SMPD2: variants seen among roughly 807,000 people sequenced by gnomAD.
SMPD2 encodes sphingomyelin phosphodiesterase 2, also known as N-SMase.
SMPD2 carries 35 observed loss-of-function variants against 41.7 expected under a neutral mutation model. The ratio of observed to expected loss-of-function variants is 0.84; its 90% CI spans 0.64 to 1.11. The LOEUF (loss-of-function observed/expected upper bound fraction) is 1.11, where lower values mean the gene tolerates loss of function less well. Ranked by LOEUF, SMPD2 falls within the 50% of genes most tolerant of loss-of-function variation. SMPD2 has a pLI of 0.00. For missense variants in SMPD2, 520 were observed against 524.8 expected, an observed-to-expected ratio of 0.99 and a Z score of 0.09; for synonymous variants, 201 against 208.2, an observed-to-expected ratio of 0.97 and a Z score of 0.30.
At chr6:109,443,171 G>T in intron 8 of SMPD2, 90 bp downstream of exon 8, 1 of 1,414,756 alleles carries the variant, frequency 7.1e-7, no homozygotes, top group Non-Finnish European at 9.5e-7. Flanking sequence ...GTCTAGTCTT[G>T]GACCACTGAT....
intron 3 of SMPD2, 52 bp downstream of exon 3, chr6:109,441,680 C>T: frequency 1.3e-6 from 2 of 1,528,026 alleles, no homozygotes; most frequent in Non-Finnish European, 1.8e-6. Flanking sequence ...GGCTCTTGGC[C>T]CTGCCAGCCC....
chr6:109,443,488 T>C, intron 9 of SMPD2, 29 bp from the exon 10 acceptor site: 2 of 1,608,564 alleles, frequency 1.2e-6, no homozygotes, highest in Non-Finnish European at 1.7e-6. Flanking sequence ...CTTGACTCTC[T>C]CCTGCCCCAC....
At position 109,440,841 on chromosome 6, in the gene SMPD2, A is replaced by C; in HGVS notation, c.-281A>C. The C allele has an allele frequency of 2.3e-6, 1 of 437,402 alleles. No individual in the cohort carries two copies. The highest frequency in any genetic ancestry group is 4.0e-6 in the Non-Finnish European group (1 of 251,550). 27.1% of individuals were successfully genotyped at this position (437,402 alleles called of 1,614,324 possible). ...ACCCGGGGGCGCTCTCCGGACCCCC[A>C]GGGTCCTAGCGCGCGGCCCTTACCG... is the stretch of plus-strand genomic sequence containing the variant. On this transcript the variant is annotated 5_prime_UTR_variant, in exon 1 of 10. Transcript: ENST00000258052.
At chr6:109,441,919 A>G (rs929461992) in intron 3 of SMPD2, 55 bp from the exon 4 acceptor site, 6 of 1,481,536 alleles carry the variant, frequency 4.0e-6, no homozygotes, top group Non-Finnish European at 5.7e-6. Flanking sequence ...GGAGGGGAAG[A>G]AGGCTGGGTG....
In SMPD2 at chr6:109,442,074, C is replaced by T; in HGVS notation, c.318+7C>T. 6.2e-7 allele frequency: 1 copy of T among 1,605,920 alleles called. No individual in the cohort carries two copies. The highest frequency in any genetic ancestry group is 8.5e-7 in the Non-Finnish European group (1 of 1,172,514). ...CAATGGCTACCCCTACATGGTAAGG[C>T]AGACCTTTGACCTCTTCCACCTCCC... is the stretch of plus-strand genomic sequence containing the variant. On this transcript the variant is annotated splice_region_variant and intron_variant, in intron 4 of 9. Transcript: ENST00000258052.
chr6:109,441,851 A>C, intron 3 of SMPD2, 123 bp from the exon 4 acceptor site: 2 of 998,186 alleles, frequency 2.0e-6, no homozygotes, highest in Non-Finnish European at 3.2e-6. Flanking sequence ...CCTTGGTTCT[A>C]GGGCTAGTCC....
In SMPD2 at chr6:109,442,776, G is replaced by C. The variant is rs1183006180; in HGVS notation, c.516G>C (p.Val172=). 3 of 1,614,024 alleles carry C rather than the reference G, an allele frequency of 1.9e-6. No individual in the cohort carries two copies. In the African/African-American group the frequency reaches 4.0e-5, roughly 22 times the overall value. ...GCCACACATCCAAGAAGGCAGACGT[G>C]GTTCTGTTGTGTGGAGACCTCAACA... The part of the protein sequence containing the change: ...FIHHTSKKAD[V]VLLCGDLNMH... The change falls in exon 7 of 10, where the codon GTG becomes GTC. Residue 172 remains valine, a synonymous_variant. Coordinates refer to ENST00000258052, the MANE Select transcript of SMPD2 (RefSeq NM_003080.3).
At chr6:109,442,358 G>A in intron 5 of SMPD2, 59 bp downstream of exon 5, 1 of 1,525,520 alleles carries the variant, frequency 6.6e-7, no homozygotes, top group Non-Finnish European at 9.1e-7. Flanking sequence ...GGGACAGAGA[G>A]ATGGTACTTC....
At chr6:109,441,703 C>T (rs1226015234) in intron 3 of SMPD2, 75 bp downstream of exon 3, 2 of 1,333,918 alleles carry the variant, frequency 1.5e-6, no homozygotes, top group Non-Finnish European at 2.2e-6. Context: ...CCCTATCCTG[C>T]CTGCACTCTC....
rs1775049441 is a variant in SMPD2 at position 109,443,531 on chromosome 6, T to A, written c.898T>A (p.Ser300Thr). The part of the protein sequence containing the change: ...PSSTHGPAER[S>T]PLMCVLKEAW... The stretch of plus-strand genomic sequence containing the variant: ...CTCTGTTGTAGGACCAGCAGAGAGG[T>A]CGCCGTTGATGTGTGTGCTAAAGGA... Residue 300 changes from serine (S) to threonine (T), a missense_variant, in exon 10 of 10, where the codon TCG becomes ACG. Physicochemically the swap from Ser to Thr is moderately conservative, Grantham distance 58. Transcript: ENST00000258052. The A allele has an allele frequency of 1.2e-6, 2 of 1,610,014 alleles. No individual in the cohort carries two copies. The highest frequency in any genetic ancestry group is 1.7e-6 in the Non-Finnish European group (2 of 1,177,416).
chr6:109,441,699 C>A, intron 3 of SMPD2, 71 bp downstream of exon 3: 1 of 1,366,388 alleles, frequency 7.3e-7, no homozygotes, highest in South Asian at 1.2e-5. Context: ...CCTTCCCTAT[C>A]CTGCCTGCAC....
chr6:109,443,342 C>A lies in SMPD2; in HGVS notation c.805C>A (p.Leu269Ile), dbSNP rs757166861. The change falls in exon 9 of 10, where the codon CTC becomes ATC. Residue 269 changes from leucine to isoleucine, a missense_variant. Coordinates refer to ENST00000258052, the MANE Select transcript of SMPD2 (RefSeq NM_003080.3). ...CTTTGACCCTCACAGGGGCACCCCC[C>A]TCTCTGATCATGAAGCCCTGATGGC... is the stretch of plus-strand genomic sequence containing the variant. ...TGFDPHRGTP[L>I]SDHEALMATL... 3 of 1,613,984 alleles carry A rather than the reference C, an allele frequency of 1.9e-6. No individual in the cohort carries two copies. Among genetic ancestry groups the A allele is most frequent in the South Asian group, 1.1e-5 (1 of 91,082 alleles).
At chr6:109,442,477 G>A in intron 5 of SMPD2, 66 bp from the exon 6 acceptor site, 1 of 1,465,830 alleles carries the variant, frequency 6.8e-7, no homozygotes, top group Non-Finnish European at 9.5e-7. Context: ...ACAGACACAG[G>A]CTTGATTCAG....
rs545506891 is a variant in SMPD2 at position 109,442,636 on chromosome 6, C to G, written c.491+11C>G. Reference sequence around the variant, plus strand: ...GGCCCAGTTCATCCAGTGTGTGAGCCTGGGCTTGAAATGGGAAGTGGGATG... The same window carrying G: ...GGCCCAGTTCATCCAGTGTGTGAGCGTGGGCTTGAAATGGGAAGTGGGATG... On this transcript the variant is annotated intron_variant, in intron 6 of 9. Transcript: ENST00000258052. The G allele has an allele frequency of 3.7e-6, 6 of 1,614,058 alleles. No homozygotes were observed. In the East Asian group the frequency reaches 1.1e-4, roughly 30 times the overall value.
rs75421442 is a variant in SMPD2 at position 109,442,352 on chromosome 6, C to T, written c.408+53C>T. 3.2e-3 allele frequency: 4,952 copies of T among 1,539,836 alleles called. 272 individuals are homozygous for T. The East Asian group carries it at 0.1, about 32-fold the overall frequency. On this transcript the variant is annotated intron_variant, in intron 5 of 9. Transcript: ENST00000258052. The stretch of plus-strand genomic sequence containing the variant: ...TGGGACATGCAGCCCAGTCCTGGGA[C>T]AGAGAGATGGTACTTCTCTAGCTCT...
Position 109,440,781 on chromosome 6 carries a change from G to A in SMPD2, c.-341G>A. On this transcript the variant is annotated 5_prime_UTR_variant, in exon 1 of 10. Transcript: ENST00000258052. ...CGCGCGGGCGGCCGCGACCGCCGGG[G>A]ACGAGCTTGGAGGAAAAGGAACCGG... 2.9e-6 allele frequency: 1 copy of A among 342,394 alleles called. No homozygotes were observed. Among genetic ancestry groups the A allele is most frequent in the Non-Finnish European group, 4.9e-6 (1 of 202,206 alleles). The allele number at this position is 342,394 out of a possible 1,614,324, so 21.2% of individuals were successfully genotyped here.
chr6:109,441,504 C>A (rs375281708), intron 2 of SMPD2, 48 bp from the exon 3 acceptor site: 73 of 1,607,824 alleles, frequency 4.5e-5, no homozygotes, highest in Non-Finnish European at 6.0e-5. Flanking sequence ...AGGGACAGAC[C>A]GTCCCACTGG....
chr6:109,442,685 A>C (rs769394813), intron 6 of SMPD2, 60 bp downstream of exon 6: 3 of 1,614,148 alleles, frequency 1.9e-6, no homozygotes, highest in Non-Finnish European at 2.5e-6. Flanking sequence ...GAGGGTGAAC[A>C]AGGCCCCAGT....
At chr6:109,442,705 G>T (rs752668274) in intron 6 of SMPD2, 47 bp from the exon 7 acceptor site, 1 of 1,613,810 alleles carries the variant, frequency 6.2e-7, no homozygotes, top group Admixed American at 1.7e-5. Flanking sequence ...TCATGGGGAA[G>T]AGCTGGTGAT....
Sources: gnomAD v4.1 joint callset for allele counts on GRCh38, gnomAD v4.1.1 for gene constraint, MANE v1.5 for transcripts, NCBI Gene and HGNC (gene_info 2026-07-23, HGNC 2026-07-21) for gene names.